IL1R1: variants seen among roughly 807,000 people sequenced by gnomAD.
IL1R1 encodes the protein interleukin-1 receptor type 1.
In IL1R1, 22 loss-of-function variants were observed where a neutral mutation model predicts 50.2. The ratio of observed to expected loss-of-function variants is 0.44; its 90% CI spans 0.31 to 0.63. The LOEUF (loss-of-function observed/expected upper bound fraction) is 0.63, where lower values mean the gene tolerates loss of function less well. IL1R1 is among the 20% of genes least tolerant of loss of function. IL1R1 has a pLI of 0.07. For missense variants in IL1R1, 509 were observed against 676.2 expected (o/e 0.75, Z 2.74); for synonymous variants, 251 against 236.7 (o/e 1.06, Z -0.55).
At chr2:102,074,322 T>C (rs998181011) in intron 1 of IL1R1, among the ~76,000 whole-genome samples, 1 of 152,186 alleles carries the variant, frequency 6.6e-6, no homozygotes, top group African/African-American at 2.4e-5. Flanking sequence ...AGGTTCCATA[T>C]GGTGCTTTCA....
At chr2:102,170,007 C>T (rs572877107) in intron 7 of IL1R1, among the ~76,000 whole-genome samples, 37 of 152,320 alleles carry the variant, frequency 2.4e-4, no homozygotes, top group African/African-American at 8.9e-4. Context: ...CTGCTGGCCA[C>T]AGCCCCTGTT....
chr2:102,097,593 A>G (rs964557922), intron 1 of IL1R1, among the ~76,000 whole-genome samples: 2 of 152,302 alleles, frequency 1.3e-5, no homozygotes, highest in East Asian at 3.9e-4. Flanking sequence ...TTTAAAGATA[A>G]GAGAATACCA....
intron 7 of IL1R1, among the ~76,000 whole-genome samples, chr2:102,169,002 A>C (rs778737070): frequency 1.8e-4 from 28 of 152,092 alleles, no homozygotes; most frequent in Middle Eastern, 3.2e-3. Flanking sequence ...CACAGAGTTA[A>C]AATATTTAAT....
At chr2:102,096,005 A>G (rs1490364593) in intron 1 of IL1R1, among the ~76,000 whole-genome samples, 1 of 152,238 alleles carries the variant, frequency 6.6e-6, no homozygotes, top group African/African-American at 2.4e-5. Context: ...CTGTCTCAAA[A>G]AAAAAGAAAA....
intron 2 of IL1R1, 35 bp from the exon 3 acceptor site, chr2:102,157,683 TG>T: frequency 7.3e-7 from 1 of 1,377,856 alleles, no homozygotes; most frequent in Non-Finnish European, 1.0e-6. Context: ...GTAACATTTT[TG>T]CTTTTGTCTT....
At chr2:102,070,481 CAGTGGCCAGAGGA>C (rs1223786762) in exon 1 of IL1R1, 8 of 152,152 alleles carry the variant, frequency 5.3e-5, no homozygotes, top group Non-Finnish European at 8.8e-5. Context: ...AAGATGATTA[CAGTGGCCAGAGGA>C]CTGCCAAGGC....
intron 9 of IL1R1, 109 bp downstream of exon 9, chr2:102,172,947 A>C: frequency 2.8e-6 from 2 of 711,544 alleles, no homozygotes; most frequent in Non-Finnish European, 4.7e-6. Flanking sequence ...TCACTTCCTC[A>C]TTACTTGGGT....
Position 102,111,190 on chromosome 2 carries a change from G to A in IL1R1, c.-84+6318G>A, listed in dbSNP as rs1275058799. On this transcript the variant is annotated intron_variant, in intron 1 of 10. Transcript: ENST00000409329. ...GAGTTTCAGGTTGACTGTAGTCATG[G>A]GCTGGGGAAGATGGTGCCAAGGTCT... is the stretch of plus-strand genomic sequence containing the variant. Among the ~76,000 whole-genome samples the A allele has an allele frequency of 5.3e-5, 8 of 152,310 alleles. No homozygotes were observed. The East Asian group carries it at 1.5e-3, about 29-fold the overall frequency.
Position 102,179,729 on chromosome 2 carries a change from A to G in IL1R1, c.*2970A>G, listed in dbSNP as rs202229748. 6.5e-6 allele frequency: 1 copy of G among 152,764 alleles called. No individual in the cohort carries two copies. Among genetic ancestry groups the G allele is most frequent in the Non-Finnish European group, 1.5e-5 (1 of 68,042 alleles). The allele number at this position is 152,764 out of a possible 1,614,324, so 9.5% of individuals were successfully genotyped here. ...AAATTATGTTTGTACTAGTTGATGA[A>G]GGAGTTTTTTTTAACCTGTTTATAT... On this transcript the variant is annotated 3_prime_UTR_variant, in exon 12 of 12. Transcript: ENST00000410023.
At chr2:102,091,163 A>G (rs1679650069) in intron 1 of IL1R1, among the ~76,000 whole-genome samples, 1 of 152,256 alleles carries the variant, frequency 6.6e-6, no homozygotes, top group Non-Finnish European at 1.5e-5. Flanking sequence ...TCAAGTGATC[A>G]GTCTCATAGA....
At chr2:102,107,563 G>A (rs1485117395) in intron 1 of IL1R1, among the ~76,000 whole-genome samples, 2 of 152,024 alleles carry the variant, frequency 1.3e-5, no homozygotes, top group Non-Finnish European at 2.9e-5. Flanking sequence ...AACAGGTGCA[G>A]CACACCAACA....
At chr2:102,106,548 C>T (rs558090725) in intron 1 of IL1R1, among the ~76,000 whole-genome samples, 9 of 152,236 alleles carry the variant, frequency 5.9e-5, no homozygotes, top group African/African-American at 1.7e-4. Context: ...TTCTAAAATA[C>T]GTCCTTGGAA....
chr2:102,129,042 A>G (rs1402770119), intron 1 of IL1R1, among the ~76,000 whole-genome samples: 1 of 152,050 alleles, frequency 6.6e-6, no homozygotes, highest in Non-Finnish European at 1.5e-5. Flanking sequence ...TCTCTAAAGA[A>G]TAAAAAAGTA....
At chr2:102,122,626 C>T (rs1443541864) in intron 1 of IL1R1, among the ~76,000 whole-genome samples, 1 of 152,090 alleles carries the variant, frequency 6.6e-6, no homozygotes, top group Non-Finnish European at 1.5e-5. Context: ...TCAGAAGGGC[C>T]TCGTGAAACC....
chr2:102,147,991 G>T (rs547741972), intron 1 of IL1R1, among the ~76,000 whole-genome samples: 1 of 152,284 alleles, frequency 6.6e-6, no homozygotes, highest in African/African-American at 2.4e-5. Flanking sequence ...TAGGAGCATT[G>T]CCAGGCTTGG....
chr2:102,137,104 A>C (rs1368117169), intron 1 of IL1R1, among the ~76,000 whole-genome samples: 1 of 152,190 alleles, frequency 6.6e-6, no homozygotes, highest in Admixed American at 6.5e-5. Flanking sequence ...AATCTTAAGG[A>C]AGCCCTTTGT....
At chr2:102,099,830 G>A (rs985562380), upstream of IL1R1, among the ~76,000 whole-genome samples, 1 of 152,164 alleles carries the variant, frequency 6.6e-6, no homozygotes, top group Non-Finnish European at 1.5e-5. Context: ...TATGAGGTTA[G>A]GGAACTAAGA....
rs925204462 is a variant in IL1R1 at position 102,120,412 on chromosome 2, C to A, written c.-84+15540C>A. Among the ~76,000 whole-genome samples, 8 of 152,168 alleles carry A rather than the reference C, an allele frequency of 5.3e-5. No homozygotes were observed. In the East Asian group the frequency reaches 1.5e-3, roughly 29 times the overall value. On this transcript the variant is annotated intron_variant, in intron 1 of 10. Transcript: ENST00000409329. ...GTGTGTCGTGTGTGCATTGTGTGCA[C>A]GTGCCAAGTACCTGGCATGTATTTT... is the stretch of plus-strand genomic sequence containing the variant.
chr2:102,084,413 C>A (rs1237604650), intron 1 of IL1R1, among the ~76,000 whole-genome samples: 2 of 152,166 alleles, frequency 1.3e-5, no homozygotes, highest in Non-Finnish European at 2.9e-5. Context: ...TGCTCGGAAT[C>A]AACTCACAGT....
Sources: allele counts gnomAD v4.1 joint callset (sites outside exome capture counted in the v4.1 genomes callset), GRCh38; gene constraint gnomAD v4.1.1; transcripts MANE v1.5; gene names NCBI Gene and HGNC (gene_info 2026-07-23, HGNC 2026-07-21).